Variants in OTOA observed in about 807,000 individuals in gnomAD.
OTOA encodes otoancorin, also known as cancer/testis antigen 108.
OTOA carries 70 observed loss-of-function variants against 110.8 expected under a neutral mutation model. The observed-to-expected ratio is 0.63, with a 90% confidence interval of 0.52 to 0.77. The LOEUF is 0.77. OTOA is among the 30% of genes least tolerant of loss of function. The probability of loss-of-function intolerance (pLI) is 0.00; values close to 1 mark genes in which losing one functional copy is unlikely to be tolerated. For synonymous variants in OTOA, 373 were observed against 431.5 expected (o/e 0.86, Z 1.68); for missense variants, 917 against 1,075.8 (o/e 0.85, Z 2.06).
intron 20 of OTOA, 23 bp from the exon 21 acceptor site, chr16:21,730,814 T>C: frequency 2.9e-6 from 4 of 1,358,428 alleles, no homozygotes; most frequent in Non-Finnish European, 4.2e-6. Context: ...TTTTTCACTT[T>C]ACTGGTTATT....
intron 13 of OTOA, among the ~76,000 whole-genome samples, chr16:21,711,321 C>G (rs2141690474): frequency 6.6e-6 from 1 of 152,278 alleles, no homozygotes; most frequent in South Asian, 2.1e-4. Flanking sequence ...AGACAGTCCT[C>G]TTTGGTGGGG....
At chr16:21,715,282 C>A in intron 14 of OTOA, 130 bp downstream of exon 14, 1 of 1,223,312 alleles carries the variant, frequency 8.2e-7, no homozygotes, top group Non-Finnish European at 1.2e-6. Context: ...TCTGGGGTGG[C>A]TCTGCCTTCT....
chr16:21,687,946 G>A (rs192199752), intron 8 of OTOA, among the ~76,000 whole-genome samples: 1 of 152,026 alleles, frequency 6.6e-6, no homozygotes, highest in African/African-American at 2.4e-5. Context: ...TTACGGGCAT[G>A]AGCCACTGCA....
At chr16:21,664,978 GAATA>G (rs113140289) in intron 1 of OTOA, among the ~76,000 whole-genome samples, 1,504 of 145,002 alleles carry the variant, frequency 0.01, 18 homozygotes, top group African/African-American at 0.022. Flanking sequence ...TCTCATGAAT[GAATA>G]AATAAATAAA....
chr16:21,715,333 C>T (rs1898520290), intron 14 of OTOA, among the ~76,000 whole-genome samples, 181 bp downstream of exon 14: 1 of 152,126 alleles, frequency 6.6e-6, no homozygotes, highest in South Asian at 2.1e-4. Context: ...CGGAGCCCTT[C>T]AGTCATGCTG....
intron 14 of OTOA, among the ~76,000 whole-genome samples, chr16:21,716,012 G>A (rs970495941): frequency 2.6e-4 from 40 of 151,660 alleles, no homozygotes; most frequent in African/African-American, 9.2e-4. Context: ...GGGGCTCAAG[G>A]GATCCTCCCA....
chr16:21,685,499 T>TG (rs1897697476), intron 7 of OTOA, 138 bp downstream of exon 7: 2 of 1,267,234 alleles, frequency 1.6e-6, no homozygotes, highest in Non-Finnish European at 2.2e-6. Flanking sequence ...TCCAACCCCC[T>TG]GGGGGCTTTA....
chr16:21,685,126 C>G, intron 6 of OTOA, 104 bp from the exon 7 acceptor site: 1 of 1,484,246 alleles, frequency 6.7e-7, no homozygotes, highest in African/African-American at 1.4e-5. Flanking sequence ...TAGTTGTGGT[C>G]TCTGCAGGGA....
chr16:21,714,964 G>A (rs767839335), intron 13 of OTOA, 21 bp from the exon 14 acceptor site: 1 of 1,613,900 alleles, frequency 6.2e-7, no homozygotes, highest in Non-Finnish European at 8.5e-7. Flanking sequence ...GAGCCTGACT[G>A]CGCAGCCGCT....
At chr16:21,704,788 T>G (rs969500918) in intron 11 of OTOA, among the ~76,000 whole-genome samples, 12 of 151,988 alleles carry the variant, frequency 7.9e-5, no homozygotes, top group African/African-American at 2.7e-4. Context: ...GTCTCTGAGC[T>G]GGGGACTGGG....
At chr16:21,683,700 C>T (rs62044229) in intron 6 of OTOA, among the ~76,000 whole-genome samples, 4 of 151,600 alleles carry the variant, frequency 2.6e-5, no homozygotes, top group Admixed American at 2.0e-4. Flanking sequence ...AGCAAGACCC[C>T]GTCTCTAAAA....
intron 13 of OTOA, among the ~76,000 whole-genome samples, chr16:21,714,332 C>CCTTCCTTCCTTTCTTT (rs1555499743): frequency 7.8e-6 from 1 of 127,636 alleles, no homozygotes. Context: ...TTCCTTCCTT[C>CCTTCCTTCCTTTCTTT]CTTTCTTTCT....
chr16:21,685,452 G>C (rs1897696229), intron 7 of OTOA, 91 bp downstream of exon 7: 1 of 1,549,822 alleles, frequency 6.5e-7, no homozygotes, highest in Non-Finnish European at 8.7e-7. Context: ...CTTAGGCCTT[G>C]GCACTTCATT....
At chr16:21,685,986 C>T (rs1477977073) in intron 7 of OTOA, among the ~76,000 whole-genome samples, 2 of 152,148 alleles carry the variant, frequency 1.3e-5, no homozygotes, top group Non-Finnish European at 2.9e-5. Flanking sequence ...GATCCTCCTG[C>T]ACTCAAGGAG....
At chr16:21,707,593 T>TTTTCTTTCTTTC (rs58214995) in intron 12 of OTOA, among the ~76,000 whole-genome samples, 1,466 of 94,076 alleles carry the variant, frequency 0.016, 29 homozygotes, top group East Asian at 0.04. Flanking sequence ...TTCTCCTTCC[T>TTTTCTTTCTTTC]TTTCTTTCTT....
chr16:21,746,892 C>T (rs12447263), intron 24 of OTOA, among the ~76,000 whole-genome samples: 3,195 of 149,680 alleles, frequency 0.021, no homozygotes, highest in East Asian at 0.2. Context: ...TTTGTAATCA[C>T]GGTGGCCATG....
rs764182550 is a variant in OTOA, at chr16:21,710,032, C to T, written c.1249C>T (p.Leu417Phe). 92 of 1,613,952 alleles carry T rather than the reference C, an allele frequency of 5.7e-5. No homozygotes were observed. Among genetic ancestry groups the T allele is most frequent in the Non-Finnish European group, 7.8e-5 (92 of 1,180,004 alleles). Reference protein sequence around the residue: ...PEAVHGAISTLNQVSGWAKSQ... With the variant: ...PEAVHGAISTFNQVSGWAKSQ... ...GGCTGTGCACGGAGCCATCTCCACCCTCAACCAGGTCTCAGGTTGGGCCAA... is the reference window on the plus strand; with the variant it reads ...GGCTGTGCACGGAGCCATCTCCACCTTCAACCAGGTCTCAGGTTGGGCCAA... Residue 417 changes from leucine (L) to phenylalanine (F), a missense_variant, in exon 13 of 29, where the codon CTC (leucine) becomes TTC (phenylalanine). This residue lies in a region of OTOA where 840 missense variants were observed against 910.2 expected (regional missense o/e 0.92). Coordinates refer to ENST00000646100, the MANE Select transcript of OTOA (RefSeq NM_144672.4).
chr16:21,681,895 A>T (rs2141655533), intron 6 of OTOA, 70 bp downstream of exon 6: 1 of 1,392,328 alleles, frequency 7.2e-7, no homozygotes. Context: ...GGGGCCAGGT[A>T]AGTTGGAGAA....
chr16:21,720,850 G>C (rs1000664044), intron 17 of OTOA, among the ~76,000 whole-genome samples: 2 of 151,730 alleles, frequency 1.3e-5, no homozygotes, highest in African/African-American at 4.8e-5. Context: ...TCAAATACCA[G>C]TTAATTAGAA....
Sources: gnomAD v4.1 joint callset for allele counts (sites outside exome capture counted in the v4.1 genomes callset) on GRCh38, gnomAD v4.1.1 for gene constraint, gnomAD v4.1.1 regional missense constraint, MANE v1.5 for transcripts, NCBI Gene and HGNC (gene_info 2026-07-23, HGNC 2026-07-21) for gene names.